Variants in PRKG1 observed in about 807,000 individuals in gnomAD.
PRKG1 encodes the protein cGMP-dependent protein kinase 1.
A neutral mutation model predicts 88.1 loss-of-function variants in PRKG1; 35 were observed. That is an observed-to-expected ratio of 0.40 (90% confidence interval 0.30 to 0.53). The LOEUF (loss-of-function observed/expected upper bound fraction) is 0.53. PRKG1 is among the 20% of genes least tolerant of loss of function. The probability of loss-of-function intolerance (pLI) is 0.59; values close to 1 mark genes in which losing one functional copy is unlikely to be tolerated. For missense variants in PRKG1, 540 were observed against 839.8 expected (o/e 0.64, Z 4.41); for synonymous variants, 303 against 292.5 (o/e 1.04, Z -0.37).
At chr10:51,966,914 GTGC>G (rs1331690346) in intron 5 of PRKG1, among the ~76,000 whole-genome samples, 1 of 152,106 alleles carries the variant, frequency 6.6e-6, no homozygotes, top group Non-Finnish European at 1.5e-5. Context: ...GAAACAACAG[GTGC>G]TGGAGAGGAT....
chr10:51,250,271 A>G (rs1245864401), intron 2 of PRKG1, among the ~76,000 whole-genome samples: 3 of 152,054 alleles, frequency 2.0e-5, no homozygotes, highest in Admixed American at 6.6e-5. Context: ...GAGAAATACT[A>G]GGAAACATTC....
chr10:51,408,875 C>T (rs919862094), intron 2 of PRKG1, among the ~76,000 whole-genome samples: 1 of 152,160 alleles, frequency 6.6e-6, no homozygotes, highest in Non-Finnish European at 1.5e-5. Context: ...CTGGTGAGCA[C>T]TCACATGGGA....
At chr10:52,057,128 A>G (rs1846129684) in intron 6 of PRKG1, among the ~76,000 whole-genome samples, 1 of 152,198 alleles carries the variant, frequency 6.6e-6, no homozygotes, top group Admixed American at 6.5e-5. Context: ...GCTTTTTCTT[A>G]GAAAATGCTG....
chr10:50,994,260 T>C (rs7905728), intron 1 of PRKG1, among the ~76,000 whole-genome samples: 48,608 of 151,946 alleles, frequency 0.32, 7,889 homozygotes, highest in East Asian at 0.42. Context: ...ATACCTTATT[T>C]TGGCCAAGAA....
chr10:51,830,577 T>TC (rs1839981829), intron 4 of PRKG1, among the ~76,000 whole-genome samples: 2 of 144,016 alleles, frequency 1.4e-5, no homozygotes, highest in South Asian at 4.4e-4. Context: ...TTTTTTTTTT[T>TC]TTGAGTCACA....
chr10:51,475,777 C>T lies in PRKG1; in HGVS notation c.592+7941C>T, dbSNP rs568787815. 2.2e-4 allele frequency among the ~76,000 whole-genome samples: 34 copies of T among 151,852 alleles called. No individual in the cohort carries two copies. In the East Asian group the frequency reaches 2.7e-3, roughly 12 times the overall value. ...GAAAAATTAAAAAATCATGGACTGT[C>T]GAGCCATGTTGTTAACAAAAATCAC... On this transcript the variant is annotated intron_variant, in intron 3 of 17. Transcript: ENST00000373980.
chr10:51,181,260 A>C, intron 2 of PRKG1, among the ~76,000 whole-genome samples: 1 of 93,640 alleles, frequency 1.1e-5, no homozygotes, highest in South Asian at 3.8e-4. Context: ...TTTGAGACGG[A>C]GTCTCGCTCT....
intron 2 of PRKG1, among the ~76,000 whole-genome samples, chr10:51,377,277 C>T (rs1026164379): frequency 1.3e-5 from 2 of 152,296 alleles, no homozygotes; most frequent in African/African-American, 4.8e-5. Context: ...GCAGAGTATA[C>T]ACCTGCTCAA....
chr10:51,980,742 T>A (rs1843986110), intron 5 of PRKG1, among the ~76,000 whole-genome samples: 1 of 152,230 alleles, frequency 6.6e-6, no homozygotes, highest in Admixed American at 6.5e-5. Context: ...GTAATGCCCT[T>A]CTTTGTCTTT....
chr10:51,916,307 T>G (rs1044613595), intron 5 of PRKG1, among the ~76,000 whole-genome samples: 1 of 152,132 alleles, frequency 6.6e-6, no homozygotes, highest in East Asian at 1.9e-4. Flanking sequence ...GTGACAAGAG[T>G]GACCTCTGGT....
chr10:51,294,644 TTC>T (rs1840671480), intron 2 of PRKG1, among the ~76,000 whole-genome samples: 1 of 152,198 alleles, frequency 6.6e-6, no homozygotes, highest in Non-Finnish European at 1.5e-5. Flanking sequence ...AAACTAATAC[TTC>T]TGGGCTCTTT....
chr10:51,061,060 G>GGTGTGTATGTGTGTGTGT (rs1554833036), intron 1 of PRKG1, among the ~76,000 whole-genome samples: 1 of 147,042 alleles, frequency 6.8e-6, no homozygotes, highest in African/African-American at 2.6e-5. Context: ...TATACCTAGG[G>GGTGTGTATGTGTGTGTGT]GTGTGTGTGT....
intron 2 of PRKG1, among the ~76,000 whole-genome samples, chr10:51,313,035 A>T (rs983232985): frequency 1.8e-4 from 28 of 151,448 alleles, no homozygotes; most frequent in Admixed American, 5.9e-4. Flanking sequence ...ATAAAGAAAG[A>T]TATTTAAAGA....
chr10:51,882,859 T>C (rs1324812572), intron 4 of PRKG1, among the ~76,000 whole-genome samples: 2 of 152,216 alleles, frequency 1.3e-5, no homozygotes, highest in African/African-American at 2.4e-5. Flanking sequence ...TACAATTTAA[T>C]TTAAGCTTGA....
At chr10:51,324,571 C>CAAAAAAAAAAAA (rs34429733) in intron 2 of PRKG1, among the ~76,000 whole-genome samples, 4 of 84,408 alleles carry the variant, frequency 4.7e-5, no homozygotes, top group Non-Finnish European at 5.2e-5. Flanking sequence ...ACTAAAAATA[C>CAAAAAAAAAAAA]AAAAAAAAAA....
chr10:52,034,040 G>C (rs10823985), intron 5 of PRKG1, among the ~76,000 whole-genome samples: 8,792 of 151,522 alleles, frequency 0.058, 667 homozygotes, highest in East Asian at 0.44. Flanking sequence ...CATCACTTAA[G>C]GCAAGGACTG....
At chr10:51,447,437 T>A (rs1839306998) in intron 2 of PRKG1, among the ~76,000 whole-genome samples, 1 of 151,978 alleles carries the variant, frequency 6.6e-6, no homozygotes, top group Admixed American at 6.6e-5. Context: ...CTCTGACCAG[T>A]CTTCAGTAGA....
intron 4 of PRKG1, among the ~76,000 whole-genome samples, chr10:51,902,879 G>A (rs1461310786): frequency 6.6e-6 from 1 of 152,148 alleles, no homozygotes; most frequent in Non-Finnish European, 1.5e-5. Context: ...CCAATTTATG[G>A]AAATAGTTTT....
At chr10:51,339,367 A>C (rs2132544497) in intron 2 of PRKG1, among the ~76,000 whole-genome samples, 1 of 152,218 alleles carries the variant, frequency 6.6e-6, no homozygotes, top group African/African-American at 2.4e-5. Context: ...TTTACATTTT[A>C]GAGAAAGGAA....
Sources: gnomAD v4.1 joint callset for allele counts (sites outside exome capture counted in the v4.1 genomes callset) on GRCh38, gnomAD v4.1.1 for gene constraint, MANE v1.5 for transcripts, NCBI Gene and HGNC (gene_info 2026-07-23, HGNC 2026-07-21) for gene names.